Variants in MAGI2 observed in about 807,000 individuals in gnomAD.
The protein encoded by MAGI2 is membrane-associated guanylate kinase, WW and PDZ domain-containing protein 2.
In MAGI2, 35 loss-of-function variants were observed where a neutral mutation model predicts 133.3. That is an observed-to-expected ratio of 0.26 (90% confidence interval 0.20 to 0.35). MAGI2 has a LOEUF of 0.35. Among genes scored for constraint, MAGI2 ranks in the 10% least tolerant of loss-of-function variants. The probability of loss-of-function intolerance (pLI) is 1.00; values close to 1 mark genes in which losing one functional copy is unlikely to be tolerated. For missense variants in MAGI2, 1,636 were observed against 1,863.4 expected (o/e 0.88, Z 2.25); for synonymous variants, 729 against 710.6 (o/e 1.03, Z -0.41).
intron 7 of MAGI2, among the ~76,000 whole-genome samples, chr7:78,363,365 T>A (rs182709344): frequency 1.3e-5 from 2 of 151,954 alleles, no homozygotes; most frequent in African/African-American, 2.4e-5. Context: ...CGGTGGCGGG[T>A]GCCTGTAGTC....
At chr7:78,495,005 T>C (rs1793955132) in intron 5 of MAGI2, among the ~76,000 whole-genome samples, 1 of 152,216 alleles carries the variant, frequency 6.6e-6, no homozygotes, top group Admixed American at 6.5e-5. Context: ...GTAAATATTC[T>C]GGAGTCAACA....
intron 20 of MAGI2, among the ~76,000 whole-genome samples, chr7:78,079,752 A>T (rs890801232): frequency 2.0e-5 from 3 of 152,232 alleles, no homozygotes; most frequent in African/African-American, 7.2e-5. Flanking sequence ...TGATTGCCAG[A>T]AGCTGTCTGG....
Position 78,185,680 on chromosome 7 carries a change from A to G in MAGI2, c.2270-10T>C, listed in dbSNP as rs770593238. 1 of 1,559,708 alleles carries G rather than the reference A, an allele frequency of 6.4e-7. No individual in the cohort carries two copies. The highest frequency in any genetic ancestry group is 8.7e-7 in the Non-Finnish European group (1 of 1,144,832). On this transcript the variant is annotated splice_polypyrimidine_tract_variant and intron_variant, in intron 12 of 21. Coordinates refer to ENST00000354212, the MANE Select transcript of MAGI2 (RefSeq NM_012301.4). ...CTGGGTGGCACTTGTTCTGGATGGG[A>G]AAATGGGGAATTAAAGTTGAAATTC...
chr7:79,202,373 C>T (rs973544851), intron 1 of MAGI2, among the ~76,000 whole-genome samples: 9 of 151,864 alleles, frequency 5.9e-5, no homozygotes, highest in African/African-American at 1.2e-4. Context: ...TTTGGCTTTT[C>T]ACTAAGTATT....
intron 2 of MAGI2, among the ~76,000 whole-genome samples, chr7:78,923,626 G>A (rs562914064): frequency 2.0e-4 from 30 of 152,266 alleles, no homozygotes; most frequent in African/African-American, 5.8e-4. Context: ...GTCAGGTAGC[G>A]TGATGCCTCT....
intron 1 of MAGI2, among the ~76,000 whole-genome samples, chr7:79,328,405 G>T (rs1839850591): frequency 6.6e-6 from 1 of 152,068 alleles, no homozygotes; most frequent in Admixed American, 6.6e-5. Context: ...TTCAGACTTG[G>T]ACACAGAAGG....
intron 1 of MAGI2, among the ~76,000 whole-genome samples, chr7:79,050,499 C>T (rs1478554303): frequency 6.6e-6 from 1 of 152,152 alleles, no homozygotes; most frequent in Non-Finnish European, 1.5e-5. Context: ...CCTCCTGCCA[C>T]ATCCTCCAAA....
chr7:78,287,485 A>G (rs1231915869), intron 9 of MAGI2, among the ~76,000 whole-genome samples: 1 of 152,182 alleles, frequency 6.6e-6, no homozygotes, highest in East Asian at 1.9e-4. Context: ...GGTGGAACAG[A>G]CAATCTCTGT....
intron 3 of MAGI2, among the ~76,000 whole-genome samples, chr7:78,606,621 T>C (rs1234123907): frequency 6.6e-6 from 1 of 152,108 alleles, no homozygotes; most frequent in Non-Finnish European, 1.5e-5. Flanking sequence ...TAAAATGTCA[T>C]GATGGTTTAC....
At chr7:78,243,269 A>ACACACACACT (rs1212701510) in intron 10 of MAGI2, among the ~76,000 whole-genome samples, 1 of 62,854 alleles carries the variant, frequency 1.6e-5, no homozygotes, top group South Asian at 3.9e-4. Context: ...ACACACACAC[A>ACACACACACT]CTCTCTCTCT....
chr7:79,450,651 G>C (rs1408320564), intron 1 of MAGI2, among the ~76,000 whole-genome samples: 3 of 152,076 alleles, frequency 2.0e-5, no homozygotes, highest in Non-Finnish European at 4.4e-5. Context: ...CATATATTCT[G>C]AGTTCTAAAA....
Position 79,199,423 on chromosome 7 carries a change from T to C in MAGI2, c.302-192217A>G, listed in dbSNP as rs1326973659. ...TACAAGCTCAGTAATTCTTCATGAC[T>C]CTCTGAAGTAGTTCTTTTAGCATCC... On this transcript the variant is annotated intron_variant, in intron 1 of 21. Transcript: ENST00000354212. 5.9e-5 allele frequency among the ~76,000 whole-genome samples: 9 copies of C among 152,018 alleles called. No individual in the cohort carries two copies. The East Asian group carries it at 1.7e-3, about 29-fold the overall frequency.
chr7:79,092,522 A>C (rs544508696), intron 1 of MAGI2, among the ~76,000 whole-genome samples: 17 of 152,320 alleles, frequency 1.1e-4, no homozygotes, highest in African/African-American at 3.1e-4. Context: ...CAACAACAAA[A>C]GACATACCAA....
intron 9 of MAGI2, among the ~76,000 whole-genome samples, chr7:78,276,892 G>A (rs544621420): frequency 2.0e-5 from 3 of 152,126 alleles, no homozygotes; most frequent in East Asian, 3.9e-4. Flanking sequence ...ATTGAGGGGA[G>A]GGGCTAGAGA....
chr7:78,019,852 G>A lies in MAGI2; in HGVS notation c.3831C>T (p.Ser1277=). 1 of 1,613,604 alleles carries A rather than the reference G, an allele frequency of 6.2e-7. No homozygotes were observed. The highest frequency in any genetic ancestry group is 8.5e-7 in the Non-Finnish European group (1 of 1,179,916). Residue 1277 remains serine, a synonymous_variant, in exon 22 of 22, where the codon TCC becomes TCT. Coordinates refer to ENST00000354212, the MANE Select transcript of MAGI2 (RefSeq NM_012301.4). ...AAGTTGGGCCTGGGCTTATCTGGTG[G>A]GAAGGGTCGGAGGGTGGGGCTGGAT... ...PSHPAPPSDP[S]HQISPGPTWD...
chr7:78,937,966 A>C (rs1563684458), intron 2 of MAGI2, among the ~76,000 whole-genome samples: 1 of 152,188 alleles, frequency 6.6e-6, no homozygotes, highest in Non-Finnish European at 1.5e-5. Flanking sequence ...CAGAGTTTTC[A>C]AGAAAATTGA....
At chr7:78,603,547 G>A (rs955041656) in intron 3 of MAGI2, among the ~76,000 whole-genome samples, 1 of 152,124 alleles carries the variant, frequency 6.6e-6, no homozygotes, top group Non-Finnish European at 1.5e-5. Flanking sequence ...CTTTTGAGAT[G>A]GAGTCTTGCC....
intron 1 of MAGI2, among the ~76,000 whole-genome samples, chr7:79,364,977 A>G (rs553624127): frequency 2.6e-5 from 4 of 152,060 alleles, no homozygotes; most frequent in Non-Finnish European, 5.9e-5. Flanking sequence ...AGAAATTTGG[A>G]GAAAATATTT....
chr7:79,314,338 A>T (rs1838537997), intron 1 of MAGI2, among the ~76,000 whole-genome samples: 1 of 150,080 alleles, frequency 6.7e-6, no homozygotes. Flanking sequence ...CAAACTCCTG[A>T]CCTCAAGTGA....
Sources: gnomAD v4.1 joint callset for allele counts (sites outside exome capture counted in the v4.1 genomes callset) on GRCh38, gnomAD v4.1.1 for gene constraint, MANE v1.5 for transcripts, NCBI Gene and HGNC (gene_info 2026-07-23, HGNC 2026-07-21) for gene names.